ISM1: variants seen among roughly 807,000 people sequenced by gnomAD.
ISM1 encodes the protein isthmin 1.
In ISM1, 25 loss-of-function variants were observed where a neutral mutation model predicts 46.3. That is an observed-to-expected ratio of 0.54 (90% CI 0.39 to 0.75). ISM1 has a LOEUF of 0.75. Among genes scored for constraint, ISM1 ranks in the 30% least tolerant of loss-of-function variants. The pLI, the probability that ISM1 is intolerant of heterozygous loss-of-function variation, is 0.00. For synonymous variants in ISM1, 255 were observed against 256.7 expected, an observed-to-expected ratio of 0.99 and a Z score of 0.06; for missense variants, 536 against 625.4, an observed-to-expected ratio of 0.86 and a Z score of 1.52.
chr20:13,243,596 C>T (rs1282441974), intron 1 of ISM1, among the ~76,000 whole-genome samples: 1 of 152,040 alleles, frequency 6.6e-6, no homozygotes, highest in Non-Finnish European at 1.5e-5. Context: ...GTAAAACGAC[C>T]ATCTGAATGC....
At chr20:13,282,673 T>C (rs952515656) in intron 3 of ISM1, among the ~76,000 whole-genome samples, 3 of 152,202 alleles carry the variant, frequency 2.0e-5, no homozygotes, top group Non-Finnish European at 4.4e-5. Context: ...ATCTTCCCCA[T>C]CATTAGACTG....
chr20:13,276,359 G>A (rs1456478663), intron 2 of ISM1, among the ~76,000 whole-genome samples: 2 of 151,878 alleles, frequency 1.3e-5, no homozygotes, highest in Admixed American at 1.3e-4. Context: ...GCATTTCCGA[G>A]CAAGAATCAA....
chr20:13,325,247 C>T, the ISM1 span, among the ~76,000 whole-genome samples: 1 of 152,150 alleles, frequency 6.6e-6, no homozygotes, highest in Admixed American at 6.6e-5. Context: ...ATCTTTTGTT[C>T]CCATCAAGAA....
chr20:13,283,122 C>A (rs934410340), intron 3 of ISM1, among the ~76,000 whole-genome samples: 4 of 152,150 alleles, frequency 2.6e-5, no homozygotes, highest in Admixed American at 6.5e-5. Context: ...CTCACTGAAG[C>A]CTCCAACTCC....
intron 1 of ISM1, among the ~76,000 whole-genome samples, chr20:13,251,819 G>T (rs80062226): frequency 0.015 from 2,238 of 152,250 alleles, 38 homozygotes; most frequent in Non-Finnish European, 0.018. Context: ...CGCCACTGGG[G>T]AGGGTGAGCA....
chr20:13,235,831 C>T lies in ISM1; in HGVS notation c.138+13917C>T, dbSNP rs141413388. 2.0e-5 allele frequency among the ~76,000 whole-genome samples: 3 copies of T among 152,292 alleles called. No individual in the cohort carries two copies. In the East Asian group the frequency reaches 5.8e-4, roughly 29 times the overall value. On this transcript the variant is annotated intron_variant, in intron 1 of 5. Coordinates refer to ENST00000262487, the MANE Select transcript of ISM1 (RefSeq NM_080826.2). ...GACCACTTTCCCTGATGAAAGGGCA[C>T]CGTTTCCTACCTTCCTTCCCCAGAT...
chr20:13,264,050 A>C (rs2040017466), intron 1 of ISM1, among the ~76,000 whole-genome samples: 1 of 152,144 alleles, frequency 6.6e-6, no homozygotes, highest in African/African-American at 2.4e-5. Flanking sequence ...ATAAAATCTA[A>C]CTAGGCCCTC....
In ISM1 at chr20:13,299,209, C is replaced by T. The variant is rs1395688045; in HGVS notation, c.1145C>T (p.Ala382Val). ...MLSLESTTLA[A>V]QHCCYGDNMQ... is the part of the protein sequence containing the mutation. ...TCCCTGGAGAGCACCACGCTGGCGG[C>T]ACAGCACTGCTGCTACGGCGACAAC... Residue 382 changes from alanine (A) to valine (V), a missense_variant, in exon 6 of 6, where the codon GCA becomes GTA. By Grantham distance (64) the Ala-to-Val change is moderately conservative. Around this residue, in one of 2 missense-constraint regions of ISM1, gnomAD observed 169 missense variants for 249.3 expected, o/e 0.68. Coordinates refer to ENST00000262487, the MANE Select transcript of ISM1 (RefSeq NM_080826.2). The surrounding 1 kb of genome is among the most constrained non-coding windows in gnomAD (Gnocchi z 5.8). 3 of 1,601,872 alleles carry T rather than the reference C, an allele frequency of 1.9e-6. No individual in the cohort carries two copies. The highest frequency in any genetic ancestry group is 2.6e-6 in the Non-Finnish European group (3 of 1,174,194).
chr20:13,247,907 A>G (rs1358627078), intron 1 of ISM1, among the ~76,000 whole-genome samples: 1 of 152,166 alleles, frequency 6.6e-6, no homozygotes, highest in Non-Finnish European at 1.5e-5. Context: ...ACAGTGCAAA[A>G]GTGACATTCA....
chr20:13,252,623 C>T (rs759514223), intron 1 of ISM1, among the ~76,000 whole-genome samples: 1 of 152,010 alleles, frequency 6.6e-6, no homozygotes, highest in Non-Finnish European at 1.5e-5. Context: ...GGTGTGGTGG[C>T]GTGCACCTGT....
chr20:13,276,920 T>C (rs1305868565), intron 2 of ISM1, among the ~76,000 whole-genome samples: 1 of 152,240 alleles, frequency 6.6e-6, no homozygotes, highest in East Asian at 1.9e-4. Context: ...TTTCACTTTG[T>C]TAACTGTAGG....
the ISM1 span, among the ~76,000 whole-genome samples, chr20:13,326,664 G>A: frequency 6.6e-6 from 1 of 151,964 alleles, no homozygotes; most frequent in Non-Finnish European, 1.5e-5. Context: ...CCTTTTTGAT[G>A]GTATGCCCAG....
downstream of ISM1, among the ~76,000 whole-genome samples, chr20:13,304,052 T>A (rs1475097376): frequency 6.6e-6 from 1 of 152,180 alleles, no homozygotes; most frequent in East Asian, 1.9e-4. Context: ...GGTATGACTT[T>A]CTAGGATGCC....
chr20:13,245,305 T>C (rs2039780100), intron 1 of ISM1: 1 of 152,222 alleles, frequency 6.6e-6, no homozygotes, highest in South Asian at 2.1e-4. Context: ...TTCCTTGCCA[T>C]GTGGGCCTCT....
At chr20:13,303,657 C>A (rs569033154), downstream of ISM1, among the ~76,000 whole-genome samples, 4 of 152,372 alleles carry the variant, frequency 2.6e-5, no homozygotes, top group Admixed American at 2.6e-4. Flanking sequence ...GACTCTCTCA[C>A]TTGCCTGCTG....
intron 1 of ISM1, among the ~76,000 whole-genome samples, chr20:13,268,134 C>CTCTTCTCTTA (rs2123242320): frequency 6.7e-6 from 1 of 150,352 alleles, no homozygotes; most frequent in South Asian, 2.1e-4. Flanking sequence ...CTCTTCTCTT[C>CTCTTCTCTTA]TCTTCTCTTC....
At chr20:13,303,513 A>G (rs887737427), downstream of ISM1, among the ~76,000 whole-genome samples, 1 of 152,184 alleles carries the variant, frequency 6.6e-6, no homozygotes, top group Non-Finnish European at 1.5e-5. Context: ...TGTTAGGTAG[A>G]GCTCAGGGGC....
chr20:13,320,287 G>A, the ISM1 span, among the ~76,000 whole-genome samples: 1 of 152,192 alleles, frequency 6.6e-6, no homozygotes, highest in Non-Finnish European at 1.5e-5. Context: ...TCCCAAATGA[G>A]TTCAGACCTC....
the ISM1 span, among the ~76,000 whole-genome samples, chr20:13,322,511 T>C: frequency 6.6e-6 from 1 of 152,240 alleles, no homozygotes; most frequent in African/African-American, 2.4e-5. Flanking sequence ...GAGGTCCATA[T>C]GAGGTTCTCA....
Sources: allele counts gnomAD v4.1 joint callset (sites outside exome capture counted in the v4.1 genomes callset), GRCh38; gene constraint gnomAD v4.1.1; regional missense constraint gnomAD v4.1.1; non-coding constraint Gnocchi (gnomAD v3.1); transcripts MANE v1.5; gene names NCBI Gene and HGNC (gene_info 2026-07-23, HGNC 2026-07-21).